The following DPYS variants were observed in gnomAD, a reference collection of about 807,000 sequenced individuals.
The protein encoded by DPYS is dihydropyrimidine amidohydrolase.
DPYS carries 39 observed loss-of-function variants against 50.3 expected under a neutral mutation model. The observed-to-expected ratio is 0.78, with a 90% CI of 0.60 to 1.01. DPYS has a LOEUF of 1.01. Ranked by LOEUF, DPYS falls within the 50% of genes least tolerant of loss-of-function variation. The pLI is 0.00. For synonymous variants in DPYS, 245 were observed against 250.7 expected, an observed-to-expected ratio of 0.98 and a Z score of 0.22; for missense variants, 659 against 680.9, an observed-to-expected ratio of 0.97 and a Z score of 0.36.
chr8:104,421,776 T>C (rs1812556371), intron 7 of DPYS, among the ~76,000 whole-genome samples: 1 of 152,028 alleles, frequency 6.6e-6, no homozygotes, highest in African/African-American at 2.4e-5. Flanking sequence ...AAGCAGGTAA[T>C]ATATATAGAT....
At chr8:104,466,034 T>C (rs770549206) in intron 1 of DPYS, among the ~76,000 whole-genome samples, 1 of 145,766 alleles carries the variant, frequency 6.9e-6, no homozygotes, top group South Asian at 2.2e-4. Flanking sequence ...TTCTAAACCC[T>C]GGTCGGGGCT....
chr8:104,397,006 C>A (rs77614943), intron 7 of DPYS, among the ~76,000 whole-genome samples: 17,090 of 152,182 alleles, frequency 0.11, 1,171 homozygotes, highest in South Asian at 0.23. Flanking sequence ...TGTGCTTCCA[C>A]TTTCACATTG....
chr8:104,441,765 G>T (rs189419997), intron 4 of DPYS, among the ~76,000 whole-genome samples: 5 of 152,192 alleles, frequency 3.3e-5, no homozygotes, highest in Non-Finnish European at 1.5e-5. Flanking sequence ...TGGCATATGC[G>T]TAAGGCCATC....
At chr8:104,444,562 G>T in intron 3 of DPYS, 125 bp from the exon 4 acceptor site, 1 of 922,356 alleles carries the variant, frequency 1.1e-6, no homozygotes, top group Non-Finnish European at 1.7e-6. Flanking sequence ...GTGTGTGTGT[G>T]TCTGTGTGTG....
At chr8:104,402,418 T>C (rs1018273155) in intron 7 of DPYS, among the ~76,000 whole-genome samples, 1 of 152,216 alleles carries the variant, frequency 6.6e-6, no homozygotes, top group Non-Finnish European at 1.5e-5. Flanking sequence ...GTATGTCTTA[T>C]GAATATTAAA....
chr8:104,412,887 T>C (rs1812235832), intron 7 of DPYS, among the ~76,000 whole-genome samples: 1 of 152,190 alleles, frequency 6.6e-6, no homozygotes, highest in African/African-American at 2.4e-5. Context: ...CTCTGGCACA[T>C]GGTAGGGCCC....
intron 4 of DPYS, among the ~76,000 whole-genome samples, chr8:104,443,451 A>G (rs1014891453): frequency 6.6e-6 from 1 of 152,224 alleles, no homozygotes; most frequent in Admixed American, 6.5e-5. Flanking sequence ...AATTGCTTCA[A>G]TTGCTCCAAC....
chr8:104,445,692 AAAAG>A (rs1259739297), intron 3 of DPYS, among the ~76,000 whole-genome samples: 6 of 152,168 alleles, frequency 3.9e-5, no homozygotes, highest in Admixed American at 1.3e-4. Context: ...AAAACAAAAA[AAAAG>A]AAAGAATGAA....
At chr8:104,392,713 A>G in intron 8 of DPYS, 71 bp downstream of exon 8, 1 of 1,589,808 alleles carries the variant, frequency 6.3e-7, no homozygotes, top group Non-Finnish European at 8.6e-7. Context: ...TACTACCAAC[A>G]ATAACCAGCC....
intron 4 of DPYS, among the ~76,000 whole-genome samples, chr8:104,432,863 T>C (rs1191121760): frequency 6.6e-6 from 1 of 152,188 alleles, no homozygotes; most frequent in Non-Finnish European, 1.5e-5. Flanking sequence ...ACATTTCATG[T>C]TATGGGCTGA....
chr8:104,412,868 C>T (rs1372403450), intron 7 of DPYS, among the ~76,000 whole-genome samples: 1 of 152,184 alleles, frequency 6.6e-6, no homozygotes, highest in African/African-American at 2.4e-5. Context: ...TCTCCACCAC[C>T]TACTATGTCT....
chr8:104,386,280 C>T (rs575407709), intron 8 of DPYS, among the ~76,000 whole-genome samples: 7 of 152,248 alleles, frequency 4.6e-5, no homozygotes, highest in Non-Finnish European at 1.0e-4. Flanking sequence ...CACCTATAAT[C>T]CAAGCACTTT....
At chr8:104,428,585 C>T (rs1421327051) in intron 5 of DPYS, among the ~76,000 whole-genome samples, 1 of 152,228 alleles carries the variant, frequency 6.6e-6, no homozygotes, top group Non-Finnish European at 1.5e-5. Context: ...CAGTCCCTAG[C>T]CACACGGCCA....
At chr8:104,445,297 A>G (rs1263393273) in intron 3 of DPYS, among the ~76,000 whole-genome samples, 3 of 152,232 alleles carry the variant, frequency 2.0e-5, no homozygotes, top group Non-Finnish European at 4.4e-5. Context: ...TCAGTATATC[A>G]AAGAGATATA....
chr8:104,452,464 G>GT (rs552940662), intron 1 of DPYS, among the ~76,000 whole-genome samples: 193 of 152,214 alleles, frequency 1.3e-3, no homozygotes, highest in African/African-American at 4.5e-3. Flanking sequence ...TAACCTCTGT[G>GT]GCCTTTAATT....
chr8:104,437,218 A>G (rs1276841593), intron 4 of DPYS, among the ~76,000 whole-genome samples: 1 of 152,182 alleles, frequency 6.6e-6, no homozygotes, highest in Non-Finnish European at 1.5e-5. Context: ...CCCTCTGAAC[A>G]TGCAGGTGAA....
intron 4 of DPYS, among the ~76,000 whole-genome samples, chr8:104,436,819 A>G (rs1432033743): frequency 6.6e-6 from 1 of 152,172 alleles, no homozygotes; most frequent in Non-Finnish European, 1.5e-5. Context: ...ACATAGTAAG[A>G]CTATGTCTTT....
intron 7 of DPYS, among the ~76,000 whole-genome samples, chr8:104,408,002 A>G (rs1812050865): frequency 6.6e-6 from 1 of 152,212 alleles, no homozygotes; most frequent in African/African-American, 2.4e-5. Flanking sequence ...AATCCCTACC[A>G]TTCAATGGGT....
intron 1 of DPYS, among the ~76,000 whole-genome samples, chr8:104,459,512 A>G (rs1282125781): frequency 6.6e-6 from 1 of 152,226 alleles, no homozygotes; most frequent in African/African-American, 2.4e-5. Flanking sequence ...GAATTAATGG[A>G]ACCTAACAGC....
Sources: gnomAD v4.1 joint callset for allele counts (sites outside exome capture counted in the v4.1 genomes callset) on GRCh38, gnomAD v4.1.1 for gene constraint, MANE v1.5 for transcripts, NCBI Gene and HGNC (gene_info 2026-07-23, HGNC 2026-07-21) for gene names.